TEX11: variants seen among roughly 807,000 people sequenced by gnomAD.
TEX11 encodes the protein testis-expressed protein 11.
Under a neutral mutation model 84.4 loss-of-function variants are expected in TEX11, and 7 were observed. The ratio of observed to expected loss-of-function variants is 0.08; its 90% confidence interval spans 0.05 to 0.16. The LOEUF (loss-of-function observed/expected upper bound fraction) is 0.16, where lower values mean the gene tolerates loss of function less well. TEX11 is among the 10% of genes least tolerant of loss of function. The pLI is 1.00. For synonymous variants in TEX11, 264 were observed against 222.8 expected (o/e 1.18, Z -1.64); for missense variants, 551 against 660.5 (o/e 0.83, Z 1.82).
At chrX:70,883,327 T>A (rs896016746) in intron 2 of TEX11, among the ~76,000 whole-genome samples, 2 of 111,405 alleles carry the variant, frequency 1.8e-5, no homozygotes, top group African/African-American at 6.5e-5. Flanking sequence ...CTCGCGCTTG[T>A]AATTCCAGCA....
At chrX:70,516,516 T>A in the TEX11 span, among the ~76,000 whole-genome samples, 1 of 112,087 alleles carries the variant, frequency 8.9e-6, no homozygotes, top group Non-Finnish European at 1.9e-5. Context: ...CTGTTTTGGT[T>A]ACCGTAGCCT....
chrX:70,807,826 A>G (rs976417396), intron 8 of TEX11, among the ~76,000 whole-genome samples: 2 of 111,112 alleles, frequency 1.8e-5, no homozygotes, highest in African/African-American at 6.6e-5. Flanking sequence ...AGAATAGGCC[A>G]GGCACGGTGG....
intron 3 of TEX11, among the ~76,000 whole-genome samples, chrX:70,874,462 C>T (rs1477308743): frequency 5.8e-5 from 5 of 86,627 alleles, no homozygotes; most frequent in African/African-American, 1.8e-4. Context: ...AGTGCAATGG[C>T]GTGATCTCGG....
intron 25 of TEX11, among the ~76,000 whole-genome samples, chrX:70,565,508 G>C (rs2088453489): frequency 9.0e-6 from 1 of 111,027 alleles, no homozygotes; most frequent in Non-Finnish European, 1.9e-5. Context: ...TAATGCCTAG[G>C]TTTTCCTCTA....
At chrX:70,858,918 A>G (rs2091553051) in intron 5 of TEX11, among the ~76,000 whole-genome samples, 1 of 110,453 alleles carries the variant, frequency 9.1e-6, no homozygotes, top group Non-Finnish European at 1.9e-5. Context: ...GGCGCCTGTA[A>G]TTCCAGCTAC....
intron 16 of TEX11, among the ~76,000 whole-genome samples, chrX:70,664,791 GTT>G (rs35715918): frequency 6.2e-4 from 49 of 79,646 alleles, no homozygotes; most frequent in East Asian, 7.8e-4. Context: ...TTCTTTAGTG[GTT>G]TTTTTTTTTT....
chrX:70,605,039 A>G (rs1237943728), intron 24 of TEX11, among the ~76,000 whole-genome samples: 2 of 112,067 alleles, frequency 1.8e-5, no homozygotes, highest in Middle Eastern at 4.2e-3. Flanking sequence ...TATCAAAGCT[A>G]TGGAAACAGA....
intron 5 of TEX11, among the ~76,000 whole-genome samples, chrX:70,856,241 T>C (rs1223545141): frequency 9.0e-6 from 1 of 111,158 alleles, no homozygotes; most frequent in African/African-American, 3.3e-5. Context: ...GGATATAATG[T>C]TAAACGAGGG....
chrX:70,535,222 A>G (rs746964171), intron 28 of TEX11, among the ~76,000 whole-genome samples: 1 of 112,212 alleles, frequency 8.9e-6, no homozygotes, highest in South Asian at 3.7e-4. Flanking sequence ...TCATTGGCTA[A>G]CAGACATTCA....
At chrX:70,520,331 T>C in the TEX11 span, among the ~76,000 whole-genome samples, 1 of 112,314 alleles carries the variant, frequency 8.9e-6, no homozygotes. Flanking sequence ...TTGATGTTGA[T>C]GCTATTTCTT....
chrX:70,805,946 A>G (rs1032423306), intron 9 of TEX11, among the ~76,000 whole-genome samples: 1 of 111,754 alleles, frequency 8.9e-6, no homozygotes, highest in African/African-American at 3.3e-5. Flanking sequence ...CTCAGCATAC[A>G]GCGTTAAATA....
chrX:70,689,987 C>A (rs746064422), intron 13 of TEX11, among the ~76,000 whole-genome samples: 1 of 111,484 alleles, frequency 9.0e-6, no homozygotes, highest in East Asian at 2.8e-4. Context: ...ATCTTCCTCC[C>A]CAAACCCATA....
Position 70,758,165 on chromosome X carries a change from A to G in TEX11, c.693-13946T>C, listed in dbSNP as rs755216383. 1.4e-4 allele frequency among the ~76,000 whole-genome samples: 16 copies of G among 111,757 alleles called. No individual in the cohort carries two copies. In the South Asian group the frequency reaches 5.7e-3, roughly 40 times the overall value. ...TACAAAGAGACTTAGACTCCCACAC[A>G]ATAATAATGGGAGACTTTAACAACC... On this transcript the variant is annotated intron_variant, in intron 9 of 29. Coordinates refer to ENST00000374333, the MANE Select transcript of TEX11 (RefSeq NM_031276.3).
intron 9 of TEX11, among the ~76,000 whole-genome samples, chrX:70,761,186 G>A (rs1189127506): frequency 8.9e-6 from 1 of 111,886 alleles, no homozygotes; most frequent in African/African-American, 3.3e-5. Context: ...TTCAACCATT[G>A]TGGAAGACAG....
At chrX:70,769,792 T>G (rs1446166724) in intron 9 of TEX11, among the ~76,000 whole-genome samples, 1 of 111,557 alleles carries the variant, frequency 9.0e-6, no homozygotes, top group Admixed American at 9.6e-5. Context: ...TATATTAAAT[T>G]ATTTTCCGTA....
intron 25 of TEX11, among the ~76,000 whole-genome samples, chrX:70,567,707 G>C (rs2088512129): frequency 9.0e-6 from 1 of 111,485 alleles, no homozygotes; most frequent in African/African-American, 3.3e-5. Context: ...CCGTGTAGTT[G>C]AGCAGTTTTG....
At chrX:70,687,079 A>G (rs776844132) in intron 13 of TEX11, among the ~76,000 whole-genome samples, 1 of 111,679 alleles carries the variant, frequency 9.0e-6, no homozygotes, top group East Asian at 2.8e-4. Context: ...AAAATAATGT[A>G]ATGAACCTAC....
chrX:70,826,543 C>T (rs2091347527), intron 8 of TEX11, among the ~76,000 whole-genome samples: 1 of 111,627 alleles, frequency 9.0e-6, no homozygotes. Context: ...CAAGGCCACC[C>T]CTCCCCGCTT....
chrX:70,514,593 T>TA, the TEX11 span, among the ~76,000 whole-genome samples: 42,360 of 88,209 alleles, frequency 0.48, 9,394 homozygotes, highest in African/African-American at 0.69. Context: ...AGACTCCATC[T>TA]AAAAAAAAAA....
Sources: allele counts gnomAD v4.1 joint callset (sites outside exome capture counted in the v4.1 genomes callset), GRCh38; gene constraint gnomAD v4.1.1; transcripts MANE v1.5; gene names NCBI Gene and HGNC (gene_info 2026-07-23, HGNC 2026-07-21).